The following MIB1 variants were observed in gnomAD, a reference collection of about 807,000 sequenced individuals.
The protein encoded by MIB1 is MIB E3 ubiquitin protein ligase 1, also known as E3 ubiquitin-protein ligase MIB1.
Under a neutral mutation model 124.5 loss-of-function variants are expected in MIB1, and 278 were observed. The ratio of observed to expected loss-of-function variants is 2.23; its 90% CI spans 2.02 to 2.47. MIB1 has a LOEUF of 2.47. Ranked by LOEUF, MIB1 falls within the 30% of genes most tolerant of loss-of-function variation. The probability of loss-of-function intolerance (pLI) is 0.00; values close to 1 mark genes in which losing one functional copy is unlikely to be tolerated. For missense variants in MIB1, 957 were observed against 1,254.4 expected, an observed-to-expected ratio of 0.76 and a Z score of 3.58; for synonymous variants, 446 against 429.4, an observed-to-expected ratio of 1.04 and a Z score of -0.48.
intron 17 of MIB1, among the ~76,000 whole-genome samples, chr18:21,851,914 T>C (rs2042183637): frequency 6.6e-6 from 1 of 152,124 alleles, no homozygotes; most frequent in African/African-American, 2.4e-5. Context: ...TTTAGATCAG[T>C]TTGCTGTATT....
At chr18:21,755,847 C>A (rs1001541142) in intron 1 of MIB1, among the ~76,000 whole-genome samples, 2 of 152,098 alleles carry the variant, frequency 1.3e-5, no homozygotes, top group Non-Finnish European at 2.9e-5. Context: ...AGCACACTTA[C>A]GATAAGAGTA....
chr18:21,829,062 A>G (rs2041954482), intron 12 of MIB1: 1 of 479,456 alleles, frequency 2.1e-6, no homozygotes, highest in African/African-American at 2.0e-5. Context: ...ATATGGGTAC[A>G]TAAAGAAGTA....
chr18:21,725,239 CT>C (rs1274548398), intron 1 of MIB1, among the ~76,000 whole-genome samples: 1 of 151,584 alleles, frequency 6.6e-6, no homozygotes, highest in East Asian at 1.9e-4. Context: ...TGATTCATTT[CT>C]TTTGGAGGCG....
At chr18:21,828,806 ATCT>A (rs2146489489) in intron 12 of MIB1, 1 of 190,396 alleles carries the variant, frequency 5.3e-6, no homozygotes, top group South Asian at 8.6e-5. Flanking sequence ...ACTTCACTGG[ATCT>A]TCTTTTCCTT....
chr18:21,804,935 C>T (rs1461657618), intron 10 of MIB1, among the ~76,000 whole-genome samples: 1 of 151,992 alleles, frequency 6.6e-6, no homozygotes, highest in Non-Finnish European at 1.5e-5. Context: ...TACTAAAGAG[C>T]CTGTGGTTTT....
At chr18:21,727,424 C>T (rs1369207506) in intron 1 of MIB1, among the ~76,000 whole-genome samples, 3 of 152,120 alleles carry the variant, frequency 2.0e-5, no homozygotes, top group African/African-American at 7.2e-5. Flanking sequence ...TGAGCCACTG[C>T]GCCTGGCCCA....
intron 6 of MIB1, among the ~76,000 whole-genome samples, chr18:21,787,101 C>T (rs976705886): frequency 6.6e-6 from 1 of 151,582 alleles, no homozygotes; most frequent in African/African-American, 2.4e-5. Flanking sequence ...TTGCAATTGC[C>T]TGTTGAATCC....
chr18:21,734,189 C>T (rs866319400), intron 1 of MIB1, among the ~76,000 whole-genome samples: 55 of 150,424 alleles, frequency 3.7e-4, no homozygotes, highest in African/African-American at 1.3e-3. Flanking sequence ...TTATTGCAAG[C>T]TCCGCCTCCC....
At chr18:21,796,495 A>G (rs922454065) in intron 7 of MIB1, among the ~76,000 whole-genome samples, 3 of 152,112 alleles carry the variant, frequency 2.0e-5, no homozygotes, top group Non-Finnish European at 4.4e-5. Flanking sequence ...GCAGACCACC[A>G]TGGCACATGT....
chr18:21,828,548 G>A (rs935115366), intron 12 of MIB1: 1 of 151,956 alleles, frequency 6.6e-6, no homozygotes, highest in African/African-American at 2.4e-5. Flanking sequence ...AGCTTATTAT[G>A]TGAATGAAGC....
chr18:21,797,960 T>G, intron 7 of MIB1, 124 bp from the exon 8 acceptor site: 2 of 837,154 alleles, frequency 2.4e-6, no homozygotes, highest in South Asian at 1.9e-5. Flanking sequence ...TCAGTATGGT[T>G]ATCCTTTGAA....
chr18:21,840,048 A>G (rs1323073148), intron 13 of MIB1, among the ~76,000 whole-genome samples: 1 of 152,014 alleles, frequency 6.6e-6, no homozygotes, highest in African/African-American at 2.4e-5. Context: ...AGCGAGACCC[A>G]GTCAATCAAT....
At chr18:21,859,392 C>A (rs868819427) in intron 20 of MIB1, among the ~76,000 whole-genome samples, 640 of 121,678 alleles carry the variant, frequency 5.3e-3, no homozygotes, top group Non-Finnish European at 5.5e-3. Flanking sequence ...GACCCCATCT[C>A]AAAAAAAAAA....
chr18:21,739,799 C>T (rs530225810), upstream of MIB1, among the ~76,000 whole-genome samples: 1 of 152,020 alleles, frequency 6.6e-6, no homozygotes, highest in Non-Finnish European at 1.5e-5. Context: ...CCTGAGGTCC[C>T]AGCTACTCAG....
At chr18:21,767,764 G>T (rs556765986) in intron 2 of MIB1, among the ~76,000 whole-genome samples, 1 of 152,218 alleles carries the variant, frequency 6.6e-6, no homozygotes, top group Non-Finnish European at 1.5e-5. Flanking sequence ...AGTCAGGATG[G>T]TCTCGATCTC....
At chr18:21,859,787 G>A (rs551976552) in intron 20 of MIB1, among the ~76,000 whole-genome samples, 62 of 150,652 alleles carry the variant, frequency 4.1e-4, no homozygotes, top group African/African-American at 1.5e-3. Flanking sequence ...TACTCTGGTG[G>A]CTGAGTCAGG....
intron 20 of MIB1, among the ~76,000 whole-genome samples, chr18:21,860,776 T>C (rs1186414615): frequency 6.6e-6 from 1 of 152,178 alleles, no homozygotes; most frequent in Non-Finnish European, 1.5e-5. Context: ...GATGTGTACC[T>C]GTAATCCCAG....
Position 21,847,057 on chromosome 18 carries a change from G to C in MIB1, c.2325G>C (p.Ser775=). 6.2e-7 allele frequency: 1 copy of C among 1,614,148 alleles called. No homozygotes were observed. The highest frequency in any genetic ancestry group is 8.5e-7 in the Non-Finnish European group (1 of 1,180,012). The change falls in exon 16 of 21, where the codon TCG becomes TCC. Residue 775 remains serine, a synonymous_variant. Transcript: ENST00000261537. ...GCATTCGAAATAAGAAGGGTCAATCGCCACTTGATCTCTGTCCTGATCCGA... is the reference window on the plus strand; with the variant it reads ...GCATTCGAAATAAGAAGGGTCAATCCCCACTTGATCTCTGTCCTGATCCGA... ...DLSIRNKKGQ[S]PLDLCPDPNL...
rs1254925431 is a variant in MIB1 at position 21,741,454 on chromosome 18, C to T, written c.-130C>T. Reference sequence around the variant, plus strand: ...CCGCCGCCCCCGTGAGTTATTCTCACGTCCCCCGGGGCTCGCTGCCGCCCC... The same window carrying T: ...CCGCCGCCCCCGTGAGTTATTCTCATGTCCCCCGGGGCTCGCTGCCGCCCC... On this transcript the variant is annotated 5_prime_UTR_variant, in exon 1 of 21. In the 5' UTR this introduces an upstream ATG that the reference lacks. Coordinates refer to ENST00000261537, the MANE Select transcript of MIB1 (RefSeq NM_020774.4). The surrounding 1 kb of genome is among the most constrained non-coding windows in gnomAD (Gnocchi z 5.4). The T allele has an allele frequency of 1.8e-5, 8 of 445,876 alleles. No homozygotes were observed. Among genetic ancestry groups the T allele is most frequent in the African/African-American group, 2.1e-5 (1 of 47,904 alleles). 27.6% of individuals were successfully genotyped at this position (445,876 alleles called of 1,614,324 possible).
Sources: gnomAD v4.1 joint callset for allele counts (sites outside exome capture counted in the v4.1 genomes callset) on GRCh38, gnomAD v4.1.1 for gene constraint, Gnocchi (gnomAD v3.1) non-coding constraint, MANE v1.5 for transcripts, NCBI Gene and HGNC (gene_info 2026-07-23, HGNC 2026-07-21) for gene names.